Variants in PCTP observed in about 807,000 individuals in gnomAD.
The protein encoded by PCTP is phosphatidylcholine transfer protein, also known as START domain-containing protein 2.
PCTP carries 27 observed loss-of-function variants against 31.0 expected under a neutral mutation model. The ratio of observed to expected loss-of-function variants is 0.87; its 90% CI spans 0.64 to 1.20. The LOEUF is 1.20. Ranked by LOEUF, PCTP falls within the 50% of genes most tolerant of loss-of-function variation. The pLI, the probability that PCTP is intolerant of heterozygous loss-of-function variation, is 0.00. For synonymous variants in PCTP, 108 were observed against 101.2 expected, an observed-to-expected ratio of 1.07 and a Z score of -0.40; for missense variants, 287 against 268.2, an observed-to-expected ratio of 1.07 and a Z score of -0.49.
intron 3 of PCTP, among the ~76,000 whole-genome samples, chr17:55,806,219 A>G (rs1372191382): frequency 6.6e-6 from 1 of 152,072 alleles, no homozygotes; most frequent in Non-Finnish European, 1.5e-5. Flanking sequence ...TGGGTTTCAT[A>G]TTTGAGAGTG....
intron 5 of PCTP, among the ~76,000 whole-genome samples, chr17:55,836,401 A>G (rs1184688562): frequency 1.3e-5 from 2 of 152,254 alleles, no homozygotes; most frequent in South Asian, 2.1e-4. Context: ...CATTGAATAT[A>G]CCAAGTGCCC....
At chr17:55,830,565 C>T (rs988392967) in intron 5 of PCTP, among the ~76,000 whole-genome samples, 1 of 152,068 alleles carries the variant, frequency 6.6e-6, no homozygotes, top group East Asian at 1.9e-4. Context: ...AAAATAACAT[C>T]GTTTTTGTGA....
chr17:55,832,797 T>A (rs1905647221), intron 5 of PCTP, among the ~76,000 whole-genome samples: 1 of 152,228 alleles, frequency 6.6e-6, no homozygotes, highest in Admixed American at 6.5e-5. Flanking sequence ...TTGCCTGTGT[T>A]CTGCTAGGCC....
chr17:55,805,869 T>G (rs1027805131), intron 3 of PCTP, among the ~76,000 whole-genome samples: 6 of 148,918 alleles, frequency 4.0e-5, no homozygotes, highest in Admixed American at 2.7e-4. Flanking sequence ...AGTTATGGTC[T>G]CTCTCTCTCA....
chr17:55,770,193 C>T (rs569211107), intron 2 of PCTP: 11 of 152,206 alleles, frequency 7.2e-5, no homozygotes, highest in South Asian at 2.1e-4. Flanking sequence ...AATAGTAAGA[C>T]GGAAGGATTA....
intron 5 of PCTP, among the ~76,000 whole-genome samples, chr17:55,830,234 G>C (rs936940715): frequency 6.6e-6 from 1 of 152,152 alleles, no homozygotes. Context: ...ACTGTGCTGC[G>C]GGGTAGGGGG....
In PCTP at chr17:55,804,631, C is replaced by T. The variant is rs531948800; in HGVS notation, c.317+16977C>T. ...CACAAGAACAGAAAACCAAGCACCACGTCTTCTCACTTATAAGTGGGAGTT... is the reference window on the plus strand; with the variant it reads ...CACAAGAACAGAAAACCAAGCACCATGTCTTCTCACTTATAAGTGGGAGTT... On this transcript the variant is annotated intron_variant, in intron 3 of 3. Transcript: ENST00000572536. Among the ~76,000 whole-genome samples the T allele has an allele frequency of 7.9e-5, 12 of 152,264 alleles. No homozygotes were observed. The East Asian group carries it at 1.7e-3, about 22-fold the overall frequency.
intron 5 of PCTP, among the ~76,000 whole-genome samples, chr17:55,834,653 T>C (rs1598023160): frequency 6.6e-6 from 1 of 152,002 alleles, no homozygotes; most frequent in Non-Finnish European, 1.5e-5. Flanking sequence ...GGTGTATGGG[T>C]AGAGTTTTCT....
chr17:55,848,308 G>C, the PCTP span, among the ~76,000 whole-genome samples: 1 of 152,170 alleles, frequency 6.6e-6, no homozygotes, highest in Non-Finnish European at 1.5e-5. Flanking sequence ...TCAAAGAAAA[G>C]TGTGTGTAAG....
Position 55,777,184 on chromosome 17 carries a change from G to T in PCTP, c.*1084G>T. ...AGGGTAAGGTATTTCTATGTCAAAG[G>T]CACAGCCTTGATGATCTCAGGGAAA... On this transcript the variant is annotated 3_prime_UTR_variant, in exon 6 of 6. Transcript: ENST00000268896. 3.0e-6 allele frequency: 3 copies of T among 984,978 alleles called. No homozygotes were observed. Among genetic ancestry groups the T allele is most frequent in the Non-Finnish European group, 3.6e-6 (3 of 829,202 alleles). 61.0% of individuals were successfully genotyped at this position (984,978 alleles called of 1,614,324 possible).
At position 55,751,176 on chromosome 17, in the gene PCTP, C is replaced by G; in HGVS notation, c.73C>G (p.Leu25Val). The G allele has an allele frequency of 4.5e-6, 7 of 1,548,712 alleles. No individual in the cohort carries two copies. Among genetic ancestry groups the G allele is most frequent in the Non-Finnish European group, 6.1e-6 (7 of 1,146,208 alleles). ...EACAELQQPA[L>V]AGADWQLLVE... ...CTGCGCCGAGCTCCAGCAGCCCGCT[C>G]TGGCCGGGGCCGACTGGCAGCTCCT... The change falls in exon 1 of 6, where the codon CTG becomes GTG. Residue 25 changes from leucine (L) to valine (V), a missense_variant. Leu to Val is a conservative substitution (Grantham distance 32, BLOSUM62 1). Transcript: ENST00000268896.
intron 5 of PCTP, among the ~76,000 whole-genome samples, chr17:55,829,800 G>A (rs1905536424): frequency 6.6e-6 from 1 of 152,130 alleles, no homozygotes; most frequent in Non-Finnish European, 1.5e-5. Flanking sequence ...ATGGTGGCTT[G>A]TGTTTCCATG....
intron 1 of PCTP, among the ~76,000 whole-genome samples, chr17:55,754,566 A>G (rs892907895): frequency 6.6e-6 from 1 of 152,198 alleles, no homozygotes; most frequent in Non-Finnish European, 1.5e-5. Context: ...GCATGATTGA[A>G]GCATGGACAA....
At chr17:55,823,250 A>T (rs936982149), downstream of PCTP, among the ~76,000 whole-genome samples, 1 of 152,230 alleles carries the variant, frequency 6.6e-6, no homozygotes, top group Non-Finnish European at 1.5e-5. Context: ...TTTTTACCCT[A>T]GTATTACAAA....
intron 3 of PCTP, among the ~76,000 whole-genome samples, chr17:55,801,640 GAAAT>G (rs1332470428): frequency 1.3e-5 from 2 of 152,144 alleles, no homozygotes; most frequent in Admixed American, 6.6e-5. Context: ...TATTAAGTCA[GAAAT>G]AAATAAGTTA....
chr17:55,834,842 G>A (rs1905725466), intron 5 of PCTP, among the ~76,000 whole-genome samples: 2 of 152,248 alleles, frequency 1.3e-5, no homozygotes, highest in South Asian at 4.1e-4. Flanking sequence ...AGGCAAGTCA[G>A]TATTTGTAAT....
At chr17:55,783,864 A>G (rs1400177726) in intron 2 of PCTP, among the ~76,000 whole-genome samples, 1 of 152,186 alleles carries the variant, frequency 6.6e-6, no homozygotes, top group African/African-American at 2.4e-5. Context: ...GACGGTGCCG[A>G]GTCCCTGGAG....
intron 1 of PCTP, among the ~76,000 whole-genome samples, chr17:55,752,511 A>G (rs1909769045): frequency 6.6e-6 from 1 of 152,216 alleles, no homozygotes; most frequent in South Asian, 2.1e-4. Flanking sequence ...ACCCTACTCT[A>G]AATAAATGGA....
chr17:55,774,214 G>A (rs1198323735), intron 4 of PCTP, among the ~76,000 whole-genome samples: 1 of 152,146 alleles, frequency 6.6e-6, no homozygotes, highest in Non-Finnish European at 1.5e-5. Context: ...GGATACATAC[G>A]CTGGGCCTAA....
Sources: gnomAD v4.1 joint callset for allele counts (sites outside exome capture counted in the v4.1 genomes callset) on GRCh38, gnomAD v4.1.1 for gene constraint, MANE v1.5 for transcripts, NCBI Gene and HGNC (gene_info 2026-07-23, HGNC 2026-07-21) for gene names.